The following CAMK4 variants were observed in gnomAD, a reference collection of about 807,000 sequenced individuals.
The protein encoded by CAMK4 is calcium/calmodulin-dependent protein kinase type IV.
CAMK4 carries 22 observed loss-of-function variants against 44.9 expected under a neutral mutation model. The observed-to-expected ratio is 0.49, with a 90% CI of 0.35 to 0.70. The LOEUF is 0.70. CAMK4 is among the 30% of genes least tolerant of loss of function. CAMK4 has a pLI of 0.01. For synonymous variants in CAMK4, 218 were observed against 215.4 expected, an observed-to-expected ratio of 1.01 and a Z score of -0.11; for missense variants, 498 against 586.8, an observed-to-expected ratio of 0.85 and a Z score of 1.56.
upstream of CAMK4, chr5:111,224,141 G>A (rs1025976285): frequency 4.8e-6 from 1 of 208,258 alleles, no homozygotes; most frequent in Non-Finnish European, 9.3e-6. The surrounding 1 kb of genome is among the most constrained non-coding windows in gnomAD (Gnocchi z 5.7). Context: ...CAGCCTGGGA[G>A]AGAGAAAGGA....
At position 111,290,078 on chromosome 5, in the gene CAMK4, T is replaced by C. The variant is rs1751386376; in HGVS notation, c.162-53946T>C. Among the ~76,000 whole-genome samples, 1 of 152,176 alleles carries C rather than the reference T, an allele frequency of 6.6e-6. No homozygotes were observed. On this transcript the variant is annotated intron_variant, in intron 1 of 10. Coordinates refer to ENST00000282356, the MANE Select transcript of CAMK4 (RefSeq NM_001744.6). This position sits in a 1 kb window ranked among gnomAD's most constrained non-coding sequence, Gnocchi z 4.5. Reference sequence around the variant, plus strand: ...TGGTGAGAAGAGCCCATCCCACCTTTATCCCTAGGTTTCCAGACCTGTGCA... The same window carrying C: ...TGGTGAGAAGAGCCCATCCCACCTTCATCCCTAGGTTTCCAGACCTGTGCA...
intron 1 of CAMK4, among the ~76,000 whole-genome samples, chr5:111,283,289 G>A (rs970398726): frequency 3.3e-5 from 5 of 151,956 alleles, no homozygotes; most frequent in Non-Finnish European, 7.4e-5. Context: ...TAGATCTTAA[G>A]TCATTTATTT....
At chr5:111,443,261 TATATATATATATATATATACACAC>T (rs1055989750) in intron 5 of CAMK4, among the ~76,000 whole-genome samples, 8 of 44,248 alleles carry the variant, frequency 1.8e-4, no homozygotes, top group African/African-American at 4.2e-4. Context: ...TATATATATA[TATATATATATATATATATACACAC>T]ACACACACAC....
intron 4 of CAMK4, among the ~76,000 whole-genome samples, chr5:111,388,073 A>G (rs894382006): frequency 6.6e-6 from 1 of 152,184 alleles, no homozygotes; most frequent in Non-Finnish European, 1.5e-5. Context: ...CCCTGTGACA[A>G]TCTGTTTAAG....
chr5:111,384,915 G>T (rs1751544890), intron 4 of CAMK4, among the ~76,000 whole-genome samples: 1 of 151,976 alleles, frequency 6.6e-6, no homozygotes, highest in Non-Finnish European at 1.5e-5. Context: ...TTACAATCTG[G>T]CCTCACCTTA....
chr5:111,274,135 A>AGCTCCAGT (rs1003914557), intron 1 of CAMK4, among the ~76,000 whole-genome samples: 8 of 151,970 alleles, frequency 5.3e-5, no homozygotes, highest in Non-Finnish European at 1.0e-4. Flanking sequence ...TTGACTGAGA[A>AGCTCCAGT]GCTCCAGTCC....
At chr5:111,364,495 G>C (rs186257272) in intron 2 of CAMK4, among the ~76,000 whole-genome samples, 65 of 152,190 alleles carry the variant, frequency 4.3e-4, no homozygotes, top group Non-Finnish European at 1.5e-5. Flanking sequence ...AGAATTTCTG[G>C]TATCTGCAAG....
At chr5:111,349,110 T>C (rs1246873383) in intron 2 of CAMK4, among the ~76,000 whole-genome samples, 1 of 152,032 alleles carries the variant, frequency 6.6e-6, no homozygotes, top group Non-Finnish European at 1.5e-5. Flanking sequence ...TTTCCTTTTT[T>C]TCCACTTAGT....
In CAMK4 at chr5:111,488,785, T is replaced by A. The variant is rs1755718753; in HGVS notation, c.*4319T>A. The A allele has an allele frequency of 6.6e-6, 1 of 152,244 alleles. No homozygotes were observed. The highest frequency in any genetic ancestry group is 1.5e-5 in the Non-Finnish European group (1 of 68,044). The allele number at this position is 152,244 out of a possible 1,614,324, so 9.4% of individuals were successfully genotyped here. A position where few individuals can be genotyped will look rare whatever the true frequency, so the allele number is the denominator to read the frequency against. ...TGAATCAGCACTAGCATTTTCTTGA[T>A]GGTTGACTCAATGTATAATTAACAA... On this transcript the variant is annotated 3_prime_UTR_variant, in exon 11 of 11. Coordinates refer to ENST00000282356, the MANE Select transcript of CAMK4 (RefSeq NM_001744.6).
intron 1 of CAMK4, among the ~76,000 whole-genome samples, chr5:111,258,230 A>C (rs1277603230): frequency 6.6e-6 from 1 of 152,104 alleles, no homozygotes; most frequent in African/African-American, 2.4e-5. Flanking sequence ...GTCTTTTTTT[A>C]ACAGATTTAA....
At chr5:111,336,315 G>T (rs1174732420) in intron 1 of CAMK4, among the ~76,000 whole-genome samples, 1 of 151,100 alleles carries the variant, frequency 6.6e-6, no homozygotes, top group East Asian at 1.9e-4. Context: ...AAATGAAGAT[G>T]CAACACTGTA....
chr5:111,378,150 A>G (rs1348637155), intron 4 of CAMK4, among the ~76,000 whole-genome samples: 2 of 152,050 alleles, frequency 1.3e-5, no homozygotes, highest in Admixed American at 1.3e-4. Flanking sequence ...TAGTGCCGTT[A>G]TAAAAGAGGC....
intron 1 of CAMK4, among the ~76,000 whole-genome samples, chr5:111,330,974 A>G (rs536350051): frequency 3.4e-4 from 52 of 151,922 alleles, no homozygotes; most frequent in African/African-American, 1.2e-3. Context: ...AAAATTCAAG[A>G]TATGTCATAT....
intron 7 of CAMK4, among the ~76,000 whole-genome samples, chr5:111,473,104 A>T (rs1755118909): frequency 1.1e-5 from 1 of 95,170 alleles, no homozygotes; most frequent in African/African-American, 3.7e-5. Context: ...GTGTTATTTT[A>T]TGCATCCCAA....
chr5:111,386,652 T>G (rs1349936749), intron 4 of CAMK4, among the ~76,000 whole-genome samples: 5 of 152,230 alleles, frequency 3.3e-5, no homozygotes, highest in Non-Finnish European at 7.3e-5. Context: ...ATTGCCTGTA[T>G]TTTTTCATCC....
At chr5:111,400,650 A>C (rs1327385247) in intron 5 of CAMK4, among the ~76,000 whole-genome samples, 2 of 151,674 alleles carry the variant, frequency 1.3e-5, no homozygotes, top group Non-Finnish European at 2.9e-5. Context: ...GGCTTTAAAT[A>C]GCTTTTGTGA....
At chr5:111,374,574 T>C (rs1751137838) in intron 2 of CAMK4, among the ~76,000 whole-genome samples, 1 of 152,104 alleles carries the variant, frequency 6.6e-6, no homozygotes, top group South Asian at 2.1e-4. Context: ...GCATTAGTTG[T>C]GACAGTGATG....
chr5:111,422,321 A>G (rs1753062616), intron 5 of CAMK4, among the ~76,000 whole-genome samples: 1 of 152,200 alleles, frequency 6.6e-6, no homozygotes, highest in African/African-American at 2.4e-5. Flanking sequence ...CCAGTTTTTC[A>G]TGGCTCTTTT....
At position 111,238,318 on chromosome 5, in the gene CAMK4, G is replaced by C. The variant is rs369174843; in HGVS notation, c.161+13674G>C. 1.2e-4 allele frequency among the ~76,000 whole-genome samples: 19 copies of C among 152,216 alleles called. No homozygotes were observed. The South Asian group carries it at 3.9e-3, about 32-fold the overall frequency. ...GTATTGAGACCCTAACTCCCAATAC[G>C]ATGGGGTTTGGAGATGTGCCTTCGG... is the stretch of plus-strand genomic sequence containing the variant. On this transcript the variant is annotated intron_variant, in intron 1 of 10. Coordinates refer to ENST00000282356, the MANE Select transcript of CAMK4 (RefSeq NM_001744.6).
Sources: allele counts gnomAD v4.1 joint callset (sites outside exome capture counted in the v4.1 genomes callset), GRCh38; gene constraint gnomAD v4.1.1; non-coding constraint Gnocchi (gnomAD v3.1); transcripts MANE v1.5; gene names NCBI Gene and HGNC (gene_info 2026-07-23, HGNC 2026-07-21).